HECW2: variants seen among roughly 807,000 people sequenced by gnomAD.
HECW2 encodes the protein E3 ubiquitin-protein ligase HECW2.
Under a neutral mutation model 175.2 loss-of-function variants are expected in HECW2, and 61 were observed. The observed-to-expected ratio is 0.35, with a 90% CI of 0.28 to 0.43. The LOEUF (loss-of-function observed/expected upper bound fraction) is 0.43, where lower values mean the gene tolerates loss of function less well. HECW2 is among the 20% of genes least tolerant of loss of function. The pLI is 1.00. For missense variants in HECW2, 1,524 were observed against 2,000.5 expected, an observed-to-expected ratio of 0.76 and a Z score of 4.54; for synonymous variants, 671 against 731.0, an observed-to-expected ratio of 0.92 and a Z score of 1.32.
chr2:196,207,058 TGA>T (rs1373997527), intron 28 of HECW2, among the ~76,000 whole-genome samples: 2 of 152,146 alleles, frequency 1.3e-5, no homozygotes, highest in Non-Finnish European at 2.9e-5. Context: ...TCAGGAAACC[TGA>T]GAGGGGCAAG....
intron 13 of HECW2, 146 bp from the exon 14 acceptor site, chr2:196,292,896 A>G (rs780500023): frequency 1.7e-4 from 102 of 591,702 alleles, no homozygotes; most frequent in Non-Finnish European, 1.6e-4. Context: ...ATGTATGGAA[A>G]CAGCAGACAG....
chr2:196,222,544 C>A (rs566822143), intron 23 of HECW2, among the ~76,000 whole-genome samples: 1 of 152,180 alleles, frequency 6.6e-6, no homozygotes, highest in East Asian at 1.9e-4. Flanking sequence ...TTAGAAAGTC[C>A]TAAATATATA....
At chr2:196,496,567 T>C (rs1373372701) in intron 1 of HECW2, among the ~76,000 whole-genome samples, 2 of 152,190 alleles carry the variant, frequency 1.3e-5, no homozygotes, top group Non-Finnish European at 1.5e-5. Context: ...ATCCAAATCT[T>C]AAGCCCTTTT....
chr2:196,232,226 G>T (rs1256538148), intron 21 of HECW2, among the ~76,000 whole-genome samples: 2 of 152,136 alleles, frequency 1.3e-5, no homozygotes, highest in Non-Finnish European at 2.9e-5. Flanking sequence ...ATGGGATTTT[G>T]CCTGCTTAAA....
At chr2:196,508,522 CAG>C (rs548690632) in intron 1 of HECW2, among the ~76,000 whole-genome samples, 1 of 152,218 alleles carries the variant, frequency 6.6e-6, no homozygotes, top group Non-Finnish European at 1.5e-5. Flanking sequence ...TCAGTGTGTG[CAG>C]AGAGTTGTGT....
intron 2 of HECW2, among the ~76,000 whole-genome samples, chr2:196,393,350 C>T (rs1049535658): frequency 6.6e-6 from 1 of 152,152 alleles, no homozygotes; most frequent in Non-Finnish European, 1.5e-5. Flanking sequence ...AAACTACCAT[C>T]AGAGTGAACA....
chr2:196,489,210 T>G (rs537658607), intron 1 of HECW2, among the ~76,000 whole-genome samples: 1 of 152,326 alleles, frequency 6.6e-6, no homozygotes, highest in Non-Finnish European at 1.5e-5. Context: ...TATAGAAGCG[T>G]ATACTGAACA....
chr2:196,408,496 T>C (rs1417953004), intron 2 of HECW2, among the ~76,000 whole-genome samples: 1 of 152,212 alleles, frequency 6.6e-6, no homozygotes, highest in African/African-American at 2.4e-5. Context: ...CCTCAGTCTC[T>C]GAACTCAAAA....
intron 2 of HECW2, among the ~76,000 whole-genome samples, chr2:196,378,202 G>T (rs1694104075): frequency 6.6e-6 from 1 of 152,070 alleles, no homozygotes; most frequent in Non-Finnish European, 1.5e-5. Flanking sequence ...TGTCATCTTG[G>T]CTAAATCACT....
At chr2:196,494,995 T>C (rs754920292) in intron 1 of HECW2, among the ~76,000 whole-genome samples, 12 of 152,152 alleles carry the variant, frequency 7.9e-5, no homozygotes, top group Non-Finnish European at 1.8e-4. Context: ...GAGTGTTAAA[T>C]AACTCTCAGG....
intron 2 of HECW2, among the ~76,000 whole-genome samples, chr2:196,360,757 T>G (rs1693560362): frequency 1.3e-5 from 2 of 152,202 alleles, no homozygotes; most frequent in South Asian, 4.1e-4. Flanking sequence ...TCCTAAAGAA[T>G]AGTGTTATGA....
chr2:196,319,560 A>G lies in HECW2; in HGVS notation c.1330T>C (p.Ser444Pro). 5.0e-6 allele frequency: 8 copies of G among 1,614,176 alleles called. No individual in the cohort carries two copies. The highest frequency in any genetic ancestry group is 5.9e-6 in the Non-Finnish European group (7 of 1,180,034). ...ATCSERSMGA[S>P]PKLRSSFPTD... Reference sequence around the variant, plus strand: ...GGAAAACTACTCCTCAGTTTCGGAGAGGCACCCATGGACCTCTCAGAGCAG... The same window carrying G: ...GGAAAACTACTCCTCAGTTTCGGAGGGGCACCCATGGACCTCTCAGAGCAG... The change falls in exon 9 of 29, where the codon TCT becomes CCT. Residue 444 changes from serine (S) to proline (P), a missense_variant. Ser to Pro is a moderately conservative substitution (Grantham distance 74). Coordinates refer to ENST00000644978, the MANE Select transcript of HECW2 (RefSeq NM_001348768.2).
intron 1 of HECW2, among the ~76,000 whole-genome samples, chr2:196,498,429 G>A (rs1223037291): frequency 2.6e-5 from 4 of 152,050 alleles, no homozygotes; most frequent in South Asian, 2.1e-4. Flanking sequence ...ATAGAGATTT[G>A]TATGGATTTC....
At chr2:196,514,380 C>G (rs1372314632) in intron 1 of HECW2, among the ~76,000 whole-genome samples, 1 of 152,164 alleles carries the variant, frequency 6.6e-6, no homozygotes, top group Non-Finnish European at 1.5e-5. Flanking sequence ...GAGGGCGGCT[C>G]GGCACAGGCC....
intron 1 of HECW2, among the ~76,000 whole-genome samples, chr2:196,492,115 T>C (rs1163542332): frequency 1.3e-5 from 2 of 152,204 alleles, no homozygotes; most frequent in Non-Finnish European, 2.9e-5. Context: ...TACAAAACAA[T>C]TTAACATAGT....
At chr2:196,427,848 G>C (rs1695592180) in intron 2 of HECW2, among the ~76,000 whole-genome samples, 1 of 152,120 alleles carries the variant, frequency 6.6e-6, no homozygotes, top group South Asian at 2.1e-4. Flanking sequence ...TGAGAACTGT[G>C]TTCACACCCA....
intron 1 of HECW2, among the ~76,000 whole-genome samples, chr2:196,537,553 G>A (rs897297349): frequency 6.6e-6 from 1 of 152,132 alleles, no homozygotes; most frequent in Non-Finnish European, 1.5e-5. Flanking sequence ...AACAGGAGAA[G>A]CTGAGGTGTG....
chr2:196,451,426 C>T (rs1390269722), intron 1 of HECW2, among the ~76,000 whole-genome samples: 3 of 132,434 alleles, frequency 2.3e-5, no homozygotes, highest in African/African-American at 3.1e-5. Flanking sequence ...AGCGAGACTC[C>T]GTCTCAAAAA....
At chr2:196,308,144 G>C in intron 10 of HECW2, 59 bp from the exon 11 acceptor site, 1 of 1,297,266 alleles carries the variant, frequency 7.7e-7, no homozygotes, top group Non-Finnish European at 1.0e-6. Flanking sequence ...GATTAATAGG[G>C]TTCATTAAGT....
Sources: allele counts gnomAD v4.1 joint callset (sites outside exome capture counted in the v4.1 genomes callset), GRCh38; gene constraint gnomAD v4.1.1; transcripts MANE v1.5; gene names NCBI Gene and HGNC (gene_info 2026-07-23, HGNC 2026-07-21).